The following LTF variants were observed in gnomAD, a reference collection of about 807,000 sequenced individuals.
The protein encoded by LTF is lactotransferrin.
LTF carries 91 observed loss-of-function variants against 87.2 expected under a neutral mutation model. That is an observed-to-expected ratio of 1.04 (90% CI 0.88 to 1.24). The LOEUF is 1.24. Among genes scored for constraint, LTF ranks in the 50% most tolerant of loss-of-function variants. The pLI, the probability that LTF is intolerant of heterozygous loss-of-function variation, is 0.00. For synonymous variants in LTF, 378 were observed against 356.1 expected (o/e 1.06, Z -0.69); for missense variants, 901 against 904.3 (o/e 1.00, Z 0.05).
intron 1 of LTF, among the ~76,000 whole-genome samples, chr3:46,472,676 A>G (rs868692577): frequency 6.6e-6 from 1 of 151,846 alleles, no homozygotes; most frequent in African/African-American, 2.4e-5. Flanking sequence ...CTTTTGAGTA[A>G]AGCTGACCTC....
intron 5 of LTF, among the ~76,000 whole-genome samples, chr3:46,454,754 T>A (rs1322068643): frequency 6.6e-6 from 1 of 151,826 alleles, no homozygotes; most frequent in African/African-American, 2.4e-5. Context: ...AATACGCTAG[T>A]GCCAGCAGAC....
chr3:46,483,302 A>G (rs1703475588), intron 1 of LTF, among the ~76,000 whole-genome samples: 1 of 152,254 alleles, frequency 6.6e-6, no homozygotes, highest in Non-Finnish European at 1.5e-5. Flanking sequence ...TCCTAGGTGT[A>G]CGCCCAGCAG....
intron 9 of LTF, among the ~76,000 whole-genome samples, chr3:46,448,401 A>G (rs1299555259): frequency 1.3e-5 from 2 of 152,156 alleles, no homozygotes; most frequent in African/African-American, 4.8e-5. Context: ...TCCAAGAGTA[A>G]ATATTCATGT....
chr3:46,464,711 C>G, intron 1 of LTF, 114 bp downstream of exon 1: 1 of 1,162,974 alleles, frequency 8.6e-7, no homozygotes, highest in South Asian at 1.3e-5. Context: ...GCTGGGACCG[C>G]GGGGCGCAGA....
In LTF at chr3:46,441,899, CAGAGAG is replaced by C. The variant is rs71622508; in HGVS notation, c.1656-422_1656-417del. ...TAAATGATGAAACTGTGATAGCACCCAGAGAGAGAGAGAGAGAGAGAGAGAGAGAGA... is the reference window on the plus strand; with the variant it reads ...TAAATGATGAAACTGTGATAGCACCCAGAGAGAGAGAGAGAGAGAGAGAGA... On this transcript the variant is annotated intron_variant, in intron 13 of 16. Coordinates refer to ENST00000231751, the MANE Select transcript of LTF (RefSeq NM_002343.6). 458 of 101,458 alleles carry C rather than the reference CAGAGAG, an allele frequency of 4.5e-3. 5 individuals carry two copies. The highest frequency in any genetic ancestry group is 7.5e-3 in the South Asian group (22 of 2,914). The allele number at this position is 101,458 out of a possible 1,614,324, so 6.3% of individuals were successfully genotyped here.
At chr3:46,451,682 T>A (rs1011732663) in intron 6 of LTF, among the ~76,000 whole-genome samples, 29 of 152,136 alleles carry the variant, frequency 1.9e-4, no homozygotes, top group African/African-American at 6.8e-4. Flanking sequence ...GCATCCTCCA[T>A]CTCCTGGAGT....
At chr3:46,441,377 ACTCTG>A (rs770053535) in intron 14 of LTF, 34 bp downstream of exon 14, 31 of 1,534,488 alleles carry the variant, frequency 2.0e-5, no homozygotes, top group Non-Finnish European at 2.8e-5. Flanking sequence ...GATGCCAAAG[ACTCTG>A]CTTTGAAGGA....
intron 8 of LTF, among the ~76,000 whole-genome samples, chr3:46,449,466 G>C (rs1409321443): frequency 6.6e-6 from 1 of 152,076 alleles, no homozygotes; most frequent in Non-Finnish European, 1.5e-5. Flanking sequence ...CCCCCCAGTA[G>C]AGAAGGAGCC....
At chr3:46,447,616 A>G (rs1288697836) in intron 9 of LTF, among the ~76,000 whole-genome samples, 1 of 152,196 alleles carries the variant, frequency 6.6e-6, no homozygotes, top group Non-Finnish European at 1.5e-5. Flanking sequence ...AACTGGAAAG[A>G]CCAGGCACAG....
Position 46,445,270 on chromosome 3 carries a change from G to A in LTF, c.1513+11C>T. 4 of 1,603,138 alleles carry A rather than the reference G, an allele frequency of 2.5e-6. No homozygotes were observed. In the South Asian group the frequency reaches 4.5e-5, roughly 18 times the overall value. On this transcript the variant is annotated intron_variant, in intron 12 of 16. Transcript: ENST00000231751. ...GGGTGGCCCACCCACCGCACCTTTGGAACTCCTTACCAAATTTGCAGGAGC... is the reference window on the plus strand; with the variant it reads ...GGGTGGCCCACCCACCGCACCTTTGAAACTCCTTACCAAATTTGCAGGAGC...
At chr3:46,456,240 GGGCACA>G (rs1167120574) in intron 3 of LTF, 44 bp downstream of exon 3, 1 of 1,465,978 alleles carries the variant, frequency 6.8e-7, no homozygotes, top group Non-Finnish European at 9.6e-7. Flanking sequence ...ACACAGCTCA[GGGCACA>G]GGCTGAGGCC....
At chr3:46,472,519 T>A (rs1371365585) in intron 1 of LTF, among the ~76,000 whole-genome samples, 22 of 149,358 alleles carry the variant, frequency 1.5e-4, no homozygotes, top group African/African-American at 5.5e-4. Context: ...TGTGTGTGTG[T>A]GTGTGTGTGA....
At chr3:46,465,326 T>G (rs1703187351), upstream of LTF, among the ~76,000 whole-genome samples, 1 of 152,144 alleles carries the variant, frequency 6.6e-6, no homozygotes, top group East Asian at 1.9e-4. Flanking sequence ...GCAGGTGGAT[T>G]TGCTTTCACC....
intron 8 of LTF, 44 bp downstream of exon 8, chr3:46,449,810 A>G: frequency 6.2e-7 from 1 of 1,608,434 alleles, no homozygotes; most frequent in Non-Finnish European, 8.5e-7. Flanking sequence ...GGGAAGTAGA[A>G]GACCACACCA....
chr3:46,456,789 A>G (rs1215782517), intron 2 of LTF, among the ~76,000 whole-genome samples: 1 of 152,254 alleles, frequency 6.6e-6, no homozygotes, highest in Non-Finnish European at 1.5e-5. Flanking sequence ...AAATTTTCAT[A>G]AGAAACCATG....
rs534671457 is a variant in LTF at position 46,453,466 on chromosome 3, T to G, written c.703+839A>C. On this transcript the variant is annotated intron_variant, in intron 6 of 16. Coordinates refer to ENST00000231751, the MANE Select transcript of LTF (RefSeq NM_002343.6). ...TCTGTTTCTGGTGGCCTCTGATGAA[T>G]GCGGGGTCTGTCTCTGATGGTCCTA... 2.0e-5 allele frequency among the ~76,000 whole-genome samples: 3 copies of G among 151,560 alleles called. No homozygotes were observed. The South Asian group carries it at 6.3e-4, about 32-fold the overall frequency.
chr3:46,478,526 C>G (rs1050627839), intron 1 of LTF, among the ~76,000 whole-genome samples: 4 of 152,188 alleles, frequency 2.6e-5, no homozygotes, highest in Non-Finnish European at 4.4e-5. Flanking sequence ...AGGTCCACCC[C>G]GCTCTTAACC....
intron 2 of LTF, among the ~76,000 whole-genome samples, chr3:46,458,761 G>A (rs1381942838): frequency 6.6e-6 from 1 of 152,164 alleles, no homozygotes; most frequent in Admixed American, 6.5e-5. Flanking sequence ...TTTTAGTAGA[G>A]GCAGGGTTTC....
rs115786196 is a variant in LTF, at chr3:46,464,155, G to T, written c.43+670C>A. Among the ~76,000 whole-genome samples, 1,248 of 152,314 alleles carry T rather than the reference G, an allele frequency of 8.2e-3. 10 individuals are homozygous for T. Among genetic ancestry groups the T allele is most frequent in the Middle Eastern group, 0.024 (7 of 294 alleles). ...GGTCACTAATGTGCAGCGCTGGGGAGTGCCCTCTGAGCACCCGAGAAATTA... is the reference window on the plus strand; with the variant it reads ...GGTCACTAATGTGCAGCGCTGGGGATTGCCCTCTGAGCACCCGAGAAATTA... On this transcript the variant is annotated intron_variant, in intron 1 of 16. Coordinates refer to ENST00000231751, the MANE Select transcript of LTF (RefSeq NM_002343.6).
Sources: gnomAD v4.1 joint callset for allele counts (sites outside exome capture counted in the v4.1 genomes callset) on GRCh38, gnomAD v4.1.1 for gene constraint, MANE v1.5 for transcripts, NCBI Gene and HGNC (gene_info 2026-07-23, HGNC 2026-07-21) for gene names.